The following GALNT18 variants were observed in gnomAD, a reference collection of about 807,000 sequenced individuals.
The protein encoded by GALNT18 is GalNAc-transferase 18.
In GALNT18, 44 loss-of-function variants were observed where a neutral mutation model predicts 69.5. The observed-to-expected ratio is 0.63, with a 90% CI of 0.50 to 0.81. The LOEUF (loss-of-function observed/expected upper bound fraction) is 0.81, where lower values mean the gene tolerates loss of function less well. GALNT18 is among the 40% of genes least tolerant of loss of function. The pLI is 0.00. For missense variants in GALNT18, 715 were observed against 810.0 expected (o/e 0.88, Z 1.42); for synonymous variants, 364 against 318.2 (o/e 1.14, Z -1.53).
intron 9 of GALNT18, among the ~76,000 whole-genome samples, chr11:11,294,489 C>T (rs1849360360): frequency 6.6e-6 from 1 of 152,028 alleles, no homozygotes; most frequent in Admixed American, 6.5e-5. Flanking sequence ...TAGATGCCAA[C>T]CTCATAAGCA....
At chr11:11,506,652 A>C (rs926957274) in intron 1 of GALNT18, among the ~76,000 whole-genome samples, 1 of 152,328 alleles carries the variant, frequency 6.6e-6, no homozygotes. Flanking sequence ...GGTTAATTTT[A>C]AAAGGACTAT....
rs766131822 is a variant in GALNT18, at chr11:11,496,007, A to G, written c.236-47071T>C. On this transcript the variant is annotated intron_variant, in intron 1 of 10. Coordinates refer to ENST00000227756, the MANE Select transcript of GALNT18 (RefSeq NM_198516.3). This position sits in a 1 kb window ranked among gnomAD's most constrained non-coding sequence, Gnocchi z 4.0. Reference sequence around the variant, plus strand: ...AACTTCATAATCCTAATCCTAAAACATATGTGCTATCAGCATCCCTGTTAC... The same window carrying G: ...AACTTCATAATCCTAATCCTAAAACGTATGTGCTATCAGCATCCCTGTTAC... Among the ~76,000 whole-genome samples, 9 of 152,204 alleles carry G rather than the reference A, an allele frequency of 5.9e-5. No homozygotes were observed. The highest frequency in any genetic ancestry group is 1.2e-4 in the Non-Finnish European group (8 of 68,024).
rs1849732138 is a variant in GALNT18 at position 11,315,203 on chromosome 11, G to A, written c.1512+11883C>T. On this transcript the variant is annotated intron_variant, in intron 9 of 10. Transcript: ENST00000227756. This position sits in a 1 kb window ranked among gnomAD's most constrained non-coding sequence, Gnocchi z 5.6. ...AAGCTTTAAGTTACAGATACTTGAG[G>A]TCAAGAGAAATTATGTGTTCAGTTC... Among the ~76,000 whole-genome samples, 1 of 152,166 alleles carries A rather than the reference G, an allele frequency of 6.6e-6. No individual in the cohort carries two copies. The highest frequency in any genetic ancestry group is 6.5e-5 in the Admixed American group (1 of 15,278).
At chr11:11,481,412 A>G (rs1208269187) in intron 1 of GALNT18, among the ~76,000 whole-genome samples, 1 of 152,202 alleles carries the variant, frequency 6.6e-6, no homozygotes, top group Non-Finnish European at 1.5e-5. Flanking sequence ...GAAACATGAG[A>G]CAAGAAGGGA....
chr11:11,529,731 T>C (rs1288782414), intron 1 of GALNT18, among the ~76,000 whole-genome samples: 3 of 152,120 alleles, frequency 2.0e-5, no homozygotes, highest in Non-Finnish European at 2.9e-5. Flanking sequence ...AGAGAGAGAC[T>C]GTATATGAGT....
Position 11,314,597 on chromosome 11 carries a change from AT to A in GALNT18, c.1512+12488del, listed in dbSNP as rs1349913839. Among the ~76,000 whole-genome samples the A allele has an allele frequency of 1.3e-5, 2 of 152,168 alleles. No individual in the cohort carries two copies. Among genetic ancestry groups the A allele is most frequent in the African/African-American group, 2.4e-5 (1 of 41,452 alleles). ...TGCAACTACCAAAAGAGAAATGGAA[AT>A]AAGGTTCTTTCTAAAAGCAGGGTGG... is the stretch of plus-strand genomic sequence containing the variant. On this transcript the variant is annotated intron_variant, in intron 9 of 10. Transcript: ENST00000227756. This position sits in a 1 kb window ranked among gnomAD's most constrained non-coding sequence, Gnocchi z 5.2.
intron 10 of GALNT18, among the ~76,000 whole-genome samples, chr11:11,285,847 G>A (rs543079455): frequency 1.3e-5 from 2 of 152,258 alleles, no homozygotes; most frequent in South Asian, 2.1e-4. Flanking sequence ...AAATAGATTC[G>A]TCTTTGCGTG....
intron 1 of GALNT18, among the ~76,000 whole-genome samples, chr11:11,537,290 C>A (rs1349468877): frequency 6.6e-6 from 1 of 152,064 alleles, no homozygotes; most frequent in African/African-American, 2.4e-5. Flanking sequence ...TCCTAGGAAT[C>A]TGTTCAATAT....
intron 9 of GALNT18, among the ~76,000 whole-genome samples, chr11:11,325,116 C>G (rs902370457): frequency 6.6e-6 from 1 of 152,214 alleles, no homozygotes; most frequent in Non-Finnish European, 1.5e-5. Flanking sequence ...GAGTGCCCAT[C>G]AGCCAACGAG....
At chr11:11,282,044 G>A (rs1399993913) in intron 10 of GALNT18, among the ~76,000 whole-genome samples, 1 of 152,190 alleles carries the variant, frequency 6.6e-6, no homozygotes, top group East Asian at 1.9e-4. Flanking sequence ...TGATGCTGGA[G>A]CTCTTCAACA....
chr11:11,337,961 A>ATTTTTTT lies in GALNT18; in HGVS notation c.1278+2851_1278+2857dup, dbSNP rs11351706. ...TGTACATAGCAGGAGTCATTTAAAG[A>ATTTTTTT]TTTTTTTTTTTTTTTTTTTTTTGAG... is the stretch of plus-strand genomic sequence containing the variant. On this transcript the variant is annotated intron_variant, in intron 7 of 10. Transcript: ENST00000227756. The surrounding 1 kb of genome is among the most constrained non-coding windows in gnomAD (Gnocchi z 4.9). Among the ~76,000 whole-genome samples the ATTTTTTT allele has an allele frequency of 8.4e-6, 1 of 118,822 alleles. No individual in the cohort carries two copies. The highest frequency in any genetic ancestry group is 3.3e-5 in the African/African-American group (1 of 30,458). The allele number at this position is 118,822 out of a possible 152,430, so 78.0% of individuals were successfully genotyped here.
intron 1 of GALNT18, among the ~76,000 whole-genome samples, chr11:11,488,249 T>C (rs758906261): frequency 6.6e-6 from 1 of 152,208 alleles, no homozygotes; most frequent in Admixed American, 6.5e-5. Context: ...AGGGCTGTAC[T>C]CCTCCTGCAG....
chr11:11,428,756 C>T (rs1018255392), intron 3 of GALNT18, among the ~76,000 whole-genome samples: 1 of 152,152 alleles, frequency 6.6e-6, no homozygotes, highest in Non-Finnish European at 1.5e-5. Flanking sequence ...AACAACCTAC[C>T]TTTAAGAAAA....
At chr11:11,300,881 C>T (rs1021624498) in intron 9 of GALNT18, among the ~76,000 whole-genome samples, 2 of 152,142 alleles carry the variant, frequency 1.3e-5, no homozygotes, top group African/African-American at 4.8e-5. Flanking sequence ...AATGTGCAAC[C>T]AAGGTTGAAA....
chr11:11,486,056 A>C (rs917284131), intron 1 of GALNT18, among the ~76,000 whole-genome samples: 2 of 152,196 alleles, frequency 1.3e-5, no homozygotes, highest in African/African-American at 4.8e-5. Flanking sequence ...GGCAGAGGCC[A>C]CCTTGAGTCC....
intron 3 of GALNT18, among the ~76,000 whole-genome samples, chr11:11,419,109 C>G (rs561015584): frequency 3.9e-5 from 6 of 152,164 alleles, no homozygotes; most frequent in Non-Finnish European, 8.8e-5. Context: ...TATCTCTGCA[C>G]GCAGGCCATG....
chr11:11,414,877 G>A (rs545848041), intron 3 of GALNT18, among the ~76,000 whole-genome samples: 56 of 152,204 alleles, frequency 3.7e-4, no homozygotes, highest in Non-Finnish European at 6.2e-4. Flanking sequence ...CAGGTACAAT[G>A]AGCCTGGATT....
At chr11:11,554,216 C>G (rs1345943191) in intron 1 of GALNT18, among the ~76,000 whole-genome samples, 1 of 152,162 alleles carries the variant, frequency 6.6e-6, no homozygotes, top group Admixed American at 6.5e-5. Flanking sequence ...TGGCTGTGAC[C>G]TCCTAGTCCT....
At chr11:11,588,035 C>A (rs531786484) in intron 1 of GALNT18, among the ~76,000 whole-genome samples, 12 of 152,060 alleles carry the variant, frequency 7.9e-5, no homozygotes, top group Non-Finnish European at 1.2e-4. Flanking sequence ...CTTTCCCCAA[C>A]TTTCTGCAGT....
Sources: gnomAD v4.1 joint callset for allele counts (sites outside exome capture counted in the v4.1 genomes callset) on GRCh38, gnomAD v4.1.1 for gene constraint, Gnocchi (gnomAD v3.1) non-coding constraint, MANE v1.5 for transcripts, NCBI Gene and HGNC (gene_info 2026-07-23, HGNC 2026-07-21) for gene names.